The following ATM variants were observed in gnomAD, a reference collection of about 807,000 sequenced individuals.
The protein encoded by ATM is ATM serine/threonine kinase.
In ATM, 308 loss-of-function variants were observed where a neutral mutation model predicts 387.0. The ratio of observed to expected loss-of-function variants is 0.80; its 90% CI spans 0.73 to 0.87. The LOEUF (loss-of-function observed/expected upper bound fraction) is 0.87, where lower values mean the gene tolerates loss of function less well. ATM is among the 40% of genes least tolerant of loss of function. The probability of loss-of-function intolerance (pLI) is 0.00; values close to 1 mark genes in which losing one functional copy is unlikely to be tolerated. For missense variants in ATM, 3,312 were observed against 3,560.9 expected (o/e 0.93, Z 1.78); for synonymous variants, 1,156 against 1,187.3 (o/e 0.97, Z 0.54).
rs1445181062 is a variant in ATM at position 108,341,274 on chromosome 11, CCTTA to C, written c.8269-1944_8269-1941del. Among the ~76,000 whole-genome samples the C allele has an allele frequency of 5.9e-5, 9 of 152,096 alleles. 1 individual carries two copies. Among genetic ancestry groups the C allele is most frequent in the African/African-American group, 4.8e-5 (2 of 41,404 alleles). On this transcript the variant is annotated intron_variant, in intron 56 of 62. Transcript: ENST00000675843. ...CCTCAGATCTTCACACCAGTCACTC[CCTTA>C]CTTCATTCAGGCTTCTGCTGCAGTG...
At chr11:108,290,049 G>C (rs2082701648) in intron 29 of ATM, 1 of 396,200 alleles carries the variant, frequency 2.5e-6, no homozygotes, top group African/African-American at 2.0e-5. Context: ...TGTAGAGGTG[G>C]GGTTTCACCA....
At chr11:108,299,447 G>A (rs1255593360) in intron 33 of ATM, 20 of 352,818 alleles carry the variant, frequency 5.7e-5, no homozygotes, top group South Asian at 4.1e-4. Flanking sequence ...ACGGGCCTGC[G>A]CCACCACGCC....
chr11:108,231,179 A>G (rs2078995367), intron 4 of ATM, among the ~76,000 whole-genome samples: 2 of 152,278 alleles, frequency 1.3e-5, no homozygotes, highest in South Asian at 4.1e-4. Context: ...AACCCCCAAA[A>G]ATATTTTTTT....
At chr11:108,337,603 A>C (rs554010317) in intron 56 of ATM, among the ~76,000 whole-genome samples, 1 of 152,352 alleles carries the variant, frequency 6.6e-6, no homozygotes, top group South Asian at 2.1e-4. Flanking sequence ...GTCCAGGGAC[A>C]ACACTTTGAG....
chr11:108,240,642 A>C (rs1291061598), intron 5 of ATM, among the ~76,000 whole-genome samples: 1 of 152,196 alleles, frequency 6.6e-6, no homozygotes, highest in African/African-American at 2.4e-5. Context: ...ATAAACATAG[A>C]GGAGGTACAG....
At chr11:108,279,647 T>A (rs373402943) in intron 23 of ATM, 39 bp downstream of exon 23, 1 of 1,417,016 alleles carries the variant, frequency 7.1e-7, no homozygotes, top group Non-Finnish European at 1.0e-6. Flanking sequence ...TATCATATGC[T>A]TGCTATGAAT....
chr11:108,314,860 T>G (rs528354372), intron 40 of ATM, among the ~76,000 whole-genome samples: 7 of 152,230 alleles, frequency 4.6e-5, no homozygotes, highest in Non-Finnish European at 1.0e-4. Flanking sequence ...AGAACTGTAC[T>G]GTGTTTATCA....
intron 14 of ATM, 131 bp from the exon 15 acceptor site, chr11:108,257,350 A>G (rs1242022967): frequency 1.7e-6 from 2 of 1,158,790 alleles, no homozygotes; most frequent in East Asian, 5.2e-5. Flanking sequence ...TTCTAAAAAC[A>G]TTTCATTTTT....
chr11:108,289,875 T>C, intron 29 of ATM, 74 bp downstream of exon 29: 1 of 1,470,918 alleles, frequency 6.8e-7, no homozygotes, highest in Non-Finnish European at 9.4e-7. Context: ...CTTTGTTTTG[T>C]TTTGTTTTGA....
rs1064795623 is a variant in ATM, at chr11:108,256,211, T to C, written c.2125-4T>C. 1 of 1,601,554 alleles carries C rather than the reference T, an allele frequency of 6.2e-7. No individual in the cohort carries two copies. The highest frequency in any genetic ancestry group is 8.5e-7 in the Non-Finnish European group (1 of 1,171,954). ...ATATATTTTTATTTGTGGTTTACTT[T>C]AAGATTACAAATTCAGAAACTCTTG... On this transcript the variant is annotated splice_region_variant and splice_polypyrimidine_tract_variant and intron_variant, in intron 13 of 62. Coordinates refer to ENST00000675843, the MANE Select transcript of ATM (RefSeq NM_000051.4).
chr11:108,276,495 G>A (rs2081956697), intron 22 of ATM, among the ~76,000 whole-genome samples: 1 of 152,202 alleles, frequency 6.6e-6, no homozygotes, highest in Admixed American at 6.5e-5. Context: ...CATCTTCGTG[G>A]ATTTATCTAC....
At chr11:108,362,372 A>G (rs1054883788) in intron 61 of ATM, among the ~76,000 whole-genome samples, 117 of 151,800 alleles carry the variant, frequency 7.7e-4, no homozygotes, top group African/African-American at 2.5e-3. Flanking sequence ...TAGTTCAACC[A>G]TTGTGGAAGT....
rs930806374 is a variant in ATM, at chr11:108,312,286, A to G, written c.5919-125A>G. Reference sequence around the variant, plus strand: ...TAAATGGTATTATGTTTTAAAGTATAAGTGATTTATTCTGTTTTGTTTGCC... The same window carrying G: ...TAAATGGTATTATGTTTTAAAGTATGAGTGATTTATTCTGTTTTGTTTGCC... On this transcript the variant is annotated intron_variant, in intron 39 of 62. Coordinates refer to ENST00000675843, the MANE Select transcript of ATM (RefSeq NM_000051.4). 4 of 725,536 alleles carry G rather than the reference A, an allele frequency of 5.5e-6. No individual in the cohort carries two copies. The African/African-American group carries it at 7.1e-5, about 13-fold the overall frequency. 44.9% of individuals were successfully genotyped at this position (725,536 alleles called of 1,614,324 possible).
At chr11:108,235,561 G>A in intron 4 of ATM, 109 bp from the exon 5 acceptor site, 1 of 1,068,278 alleles carries the variant, frequency 9.4e-7, no homozygotes. Context: ...TACAAAAGAA[G>A]TTTAGTTAAT....
rs2135345084 is a variant in ATM, at chr11:108,252,050, C to G, written c.1802+19C>G. On this transcript the variant is annotated intron_variant, in intron 11 of 62. Transcript: ENST00000675843. ...TTCACAGGTAATTTAAGTTCATTAG[C>G]ATGCTGCTGTTTTTTTTGTTTGTTT... 2 of 1,604,590 alleles carry G rather than the reference C, an allele frequency of 1.2e-6. No homozygotes were observed. Among genetic ancestry groups the G allele is most frequent in the African/African-American group, 2.7e-5 (2 of 74,854 alleles).
At chr11:108,257,688 C>G (rs2080594249) in intron 15 of ATM, 82 bp downstream of exon 15, 1 of 1,388,374 alleles carries the variant, frequency 7.2e-7, no homozygotes, top group African/African-American at 1.4e-5. Flanking sequence ...GGGATTGTCA[C>G]AACTCATTGT....
At chr11:108,228,742 G>T (rs1056995248) in intron 3 of ATM, among the ~76,000 whole-genome samples, 1 of 152,130 alleles carries the variant, frequency 6.6e-6, no homozygotes, top group Non-Finnish European at 1.5e-5. Context: ...AGCTGATCTG[G>T]TAGGTCAAAT....
intron 57 of ATM, among the ~76,000 whole-genome samples, chr11:108,345,007 C>CAAAAA (rs920422184): frequency 7.0e-6 from 1 of 142,906 alleles, no homozygotes; most frequent in Admixed American, 7.0e-5. Context: ...ACCCTGTCTC[C>CAAAAA]AAAAAAAAAA....
chr11:108,266,211 A>G (rs1386747977), intron 16 of ATM, among the ~76,000 whole-genome samples: 5 of 150,330 alleles, frequency 3.3e-5, no homozygotes, highest in African/African-American at 1.2e-4. Context: ...ATTATTCACA[A>G]TAGCAAAGAC....
Sources: gnomAD v4.1 joint callset for allele counts (sites outside exome capture counted in the v4.1 genomes callset) on GRCh38, gnomAD v4.1.1 for gene constraint, MANE v1.5 for transcripts, NCBI Gene and HGNC (gene_info 2026-07-23, HGNC 2026-07-21) for gene names.